Variants in DOCK3 observed in about 807,000 individuals in gnomAD.
DOCK3 encodes dedicator of cytokinesis protein 3.
Under a neutral mutation model 265.6 loss-of-function variants are expected in DOCK3, and 60 were observed. The ratio of observed to expected loss-of-function variants is 0.23; its 90% confidence interval spans 0.18 to 0.28. DOCK3 has a LOEUF of 0.28. Ranked by LOEUF, DOCK3 falls within the 10% of genes least tolerant of loss-of-function variation. The pLI, the probability that DOCK3 is intolerant of heterozygous loss-of-function variation, is 1.00. For synonymous variants in DOCK3, 881 were observed against 938.0 expected (o/e 0.94, Z 1.11); for missense variants, 1,981 against 2,594.3 (o/e 0.76, Z 5.14).
At chr3:51,214,648 C>A (rs1420731136) in intron 14 of DOCK3, among the ~76,000 whole-genome samples, 1 of 152,140 alleles carries the variant, frequency 6.6e-6, no homozygotes, top group Non-Finnish European at 1.5e-5. Flanking sequence ...AAATATATGC[C>A]TGTAGTATCA....
chr3:51,197,699 G>A (rs1002821986), intron 12 of DOCK3, among the ~76,000 whole-genome samples: 7 of 152,136 alleles, frequency 4.6e-5, no homozygotes, highest in East Asian at 1.9e-4. Flanking sequence ...CATGGACAGG[G>A]CACTCCGCAG....
intron 32 of DOCK3, among the ~76,000 whole-genome samples, chr3:51,328,057 A>C (rs555432582): frequency 6.6e-6 from 1 of 152,202 alleles, no homozygotes; most frequent in Admixed American, 6.5e-5. Flanking sequence ...AAGATTCATT[A>C]AAGCACAACT....
At chr3:50,918,389 G>A (rs1485604862) in intron 4 of DOCK3, among the ~76,000 whole-genome samples, 3 of 152,146 alleles carry the variant, frequency 2.0e-5, no homozygotes, top group African/African-American at 7.2e-5. Context: ...GTGTAAGAGT[G>A]TTCCTATTTC....
chr3:51,255,789 T>A (rs2079513645), intron 22 of DOCK3, among the ~76,000 whole-genome samples: 1 of 152,222 alleles, frequency 6.6e-6, no homozygotes, highest in African/African-American at 2.4e-5. Context: ...GTTTTTAGCT[T>A]CTTTGCAATG....
chr3:51,081,628 G>T (rs559410957), intron 7 of DOCK3, among the ~76,000 whole-genome samples: 17 of 152,178 alleles, frequency 1.1e-4, no homozygotes, highest in Middle Eastern at 3.4e-3. Flanking sequence ...GGTCATGGTG[G>T]CTCACGCCTG....
chr3:50,934,191 C>A, intron 5 of DOCK3, 114 bp downstream of exon 5: 2 of 748,866 alleles, frequency 2.7e-6, no homozygotes, highest in Non-Finnish European at 4.2e-6. Context: ...GTTTATCAAA[C>A]ATATGTTCTT....
At chr3:50,894,567 A>G (rs1298077557) in intron 4 of DOCK3, among the ~76,000 whole-genome samples, 1 of 152,160 alleles carries the variant, frequency 6.6e-6, no homozygotes, top group Non-Finnish European at 1.5e-5. Flanking sequence ...ACACATATAC[A>G]GAATATTTGA....
chr3:50,716,183 T>C (rs1379554002), intron 1 of DOCK3, among the ~76,000 whole-genome samples: 1 of 152,068 alleles, frequency 6.6e-6, no homozygotes, highest in Non-Finnish European at 1.5e-5. Flanking sequence ...TTACTACCTG[T>C]GTTCCTTGCT....
chr3:51,113,874 G>T (rs1230861274), intron 9 of DOCK3, among the ~76,000 whole-genome samples: 1 of 152,158 alleles, frequency 6.6e-6, no homozygotes, highest in Non-Finnish European at 1.5e-5. Context: ...CACTTTGGGA[G>T]GCTAAGGAGG....
At position 50,675,884 on chromosome 3, in the gene DOCK3, GT is replaced by G. The variant is rs36063062; in HGVS notation, c.37+594del. The stretch of plus-strand genomic sequence containing the variant: ...TTGGACATGTATCAATGTTTATACG[GT>G]TTTTTTTTTAAACCCTGTTTTCAGA... On this transcript the variant is annotated intron_variant, in intron 1 of 52. Coordinates refer to ENST00000266037, the MANE Select transcript of DOCK3 (RefSeq NM_004947.5). The surrounding 1 kb of genome is among the most constrained non-coding windows in gnomAD (Gnocchi z 6.1). Among the ~76,000 whole-genome samples the G allele has an allele frequency of 0.097, 14,508 of 149,114 alleles. 850 individuals are homozygous for G. The highest frequency in any genetic ancestry group is 0.13 in the Non-Finnish European group (8,432 of 67,062).
At chr3:50,880,744 G>A (rs544223598) in intron 3 of DOCK3, among the ~76,000 whole-genome samples, 2 of 151,950 alleles carry the variant, frequency 1.3e-5, no homozygotes, top group African/African-American at 4.8e-5. Flanking sequence ...TCCAATCAAC[G>A]GAAAAAGTGG....
intron 3 of DOCK3, among the ~76,000 whole-genome samples, chr3:50,883,123 G>C (rs376232292): frequency 2.4e-4 from 36 of 152,210 alleles, no homozygotes; most frequent in African/African-American, 8.4e-4. Flanking sequence ...GTCGTGGGGT[G>C]GGGGAATGGG....
At chr3:50,739,270 T>G (rs1349135670) in intron 1 of DOCK3, among the ~76,000 whole-genome samples, 2 of 152,170 alleles carry the variant, frequency 1.3e-5, no homozygotes, top group Non-Finnish European at 2.9e-5. Context: ...AGTTTTTTCG[T>G]TAGGTTGAAA....
intron 5 of DOCK3, among the ~76,000 whole-genome samples, chr3:51,025,311 A>G (rs989221425): frequency 1.3e-5 from 2 of 152,054 alleles, no homozygotes; most frequent in African/African-American, 4.8e-5. Flanking sequence ...GGGGAGTATA[A>G]CTGCCTCTGC....
chr3:50,736,943 C>T (rs1274356528), intron 1 of DOCK3, among the ~76,000 whole-genome samples: 13 of 152,140 alleles, frequency 8.5e-5, no homozygotes, highest in African/African-American at 2.6e-4. Flanking sequence ...CCACCCGCCT[C>T]GGCCTCCCAA....
chr3:51,355,680 A>G (rs915470766), intron 41 of DOCK3, among the ~76,000 whole-genome samples: 1 of 152,162 alleles, frequency 6.6e-6, no homozygotes, highest in African/African-American at 2.4e-5. Flanking sequence ...CAAAAATTTC[A>G]AACAGTATTT....
At chr3:51,308,665 A>C (rs1576743716) in intron 27 of DOCK3, among the ~76,000 whole-genome samples, 1 of 152,162 alleles carries the variant, frequency 6.6e-6, no homozygotes, top group Non-Finnish European at 1.5e-5. Context: ...TCTTTTCCCC[A>C]CCTTTCCCCC....
chr3:51,172,255 A>C (rs2086719452), intron 12 of DOCK3, among the ~76,000 whole-genome samples: 1 of 151,724 alleles, frequency 6.6e-6, no homozygotes, highest in African/African-American at 2.4e-5. Context: ...GACTCACTGC[A>C]ACCTCCGCCT....
chr3:51,248,408 T>C (rs1370012843), intron 22 of DOCK3, among the ~76,000 whole-genome samples: 2 of 152,254 alleles, frequency 1.3e-5, no homozygotes. Context: ...TTGGCCGGGC[T>C]GGTCTCCAGC....
Sources: allele counts gnomAD v4.1 joint callset (sites outside exome capture counted in the v4.1 genomes callset), GRCh38; gene constraint gnomAD v4.1.1; non-coding constraint Gnocchi (gnomAD v3.1); transcripts MANE v1.5; gene names NCBI Gene and HGNC (gene_info 2026-07-23, HGNC 2026-07-21).